Variants in GRIK3 observed in about 807,000 individuals in gnomAD.
GRIK3 encodes glutamate ionotropic receptor kainate type subunit 3.
GRIK3 carries 29 observed loss-of-function variants against 102.5 expected under a neutral mutation model. The ratio of observed to expected loss-of-function variants is 0.28; its 90% CI spans 0.21 to 0.39. The LOEUF (loss-of-function observed/expected upper bound fraction) is 0.39. Among genes scored for constraint, GRIK3 ranks in the 10% least tolerant of loss-of-function variants. The pLI, the probability that GRIK3 is intolerant of heterozygous loss-of-function variation, is 1.00. For synonymous variants in GRIK3, 511 were observed against 504.9 expected (o/e 1.01, Z -0.16); for missense variants, 908 against 1,252.4 (o/e 0.73, Z 4.15).
intron 1 of GRIK3, among the ~76,000 whole-genome samples, chr1:36,896,455 A>G (rs568855630): frequency 6.6e-5 from 10 of 152,292 alleles, no homozygotes; most frequent in Non-Finnish European, 1.2e-4. Flanking sequence ...AACTTGGATT[A>G]GTTGCATATG....
chr1:36,890,584 C>T (rs1010002147), intron 2 of GRIK3, among the ~76,000 whole-genome samples: 1 of 152,092 alleles, frequency 6.6e-6, no homozygotes, highest in African/African-American at 2.4e-5. Flanking sequence ...CCTGGTGGCT[C>T]AGTATGTGGA....
intron 7 of GRIK3, among the ~76,000 whole-genome samples, chr1:36,855,706 G>A (rs922014530): frequency 2.6e-5 from 4 of 152,244 alleles, no homozygotes; most frequent in Non-Finnish European, 5.9e-5. Context: ...TTTCTCCTTC[G>A]TGGCTTCCAT....
At chr1:36,956,624 C>T (rs987316798) in intron 1 of GRIK3, among the ~76,000 whole-genome samples, 25 of 151,976 alleles carry the variant, frequency 1.6e-4, no homozygotes, top group Admixed American at 1.5e-3. Context: ...CTGAGAGAGG[C>T]GGACCCTGAG....
chr1:37,022,727 G>A (rs1000919123), intron 1 of GRIK3, among the ~76,000 whole-genome samples: 1 of 152,202 alleles, frequency 6.6e-6, no homozygotes, highest in African/African-American at 2.4e-5. Flanking sequence ...GGGCAGTTAG[G>A]TGGACTTACA....
In GRIK3 at chr1:36,860,077, G is replaced by A. The variant is rs545287103; in HGVS notation, c.787-60C>T. On this transcript the variant is annotated intron_variant, in intron 5 of 15. Coordinates refer to ENST00000373091, the MANE Select transcript of GRIK3 (RefSeq NM_000831.4). Reference sequence around the variant, plus strand: ...GCTCACTGCTGAGAACTCCAGCCCCGCCTCCTACCCACTCCCTAATCAGGG... The same window carrying A: ...GCTCACTGCTGAGAACTCCAGCCCCACCTCCTACCCACTCCCTAATCAGGG... 8.7e-5 allele frequency: 117 copies of A among 1,349,096 alleles called. No homozygotes were observed. In the African/African-American group the frequency reaches 1.3e-3, roughly 15 times the overall value. The allele number at this position is 1,349,096 out of a possible 1,614,324, so 83.6% of individuals were successfully genotyped here. A position where few individuals can be genotyped will look rare whatever the true frequency, so the allele number is the denominator to read the frequency against.
chr1:37,011,806 C>T (rs950265904), intron 1 of GRIK3, among the ~76,000 whole-genome samples: 3 of 152,174 alleles, frequency 2.0e-5, no homozygotes, highest in Non-Finnish European at 2.9e-5. Flanking sequence ...CTAGCTCTTC[C>T]ATGCAGAGAC....
chr1:36,950,940 G>A (rs1320141326), intron 1 of GRIK3, among the ~76,000 whole-genome samples: 1 of 152,200 alleles, frequency 6.6e-6, no homozygotes, highest in Non-Finnish European at 1.5e-5. Context: ...TTTGGGGTGG[G>A]GCATGATGCA....
chr1:37,034,119 CGCCGAGCGT>C lies in GRIK3; in HGVS notation c.-20_-12del. On this transcript the variant is annotated 5_prime_UTR_variant, in exon 1 of 16. Coordinates refer to ENST00000373091, the MANE Select transcript of GRIK3 (RefSeq NM_000831.4). Reference sequence around the variant, plus strand: ...CCAGGGAGCGGTCATCGTTGGGCGCCGCCGAGCGTGCCCGGGGCGCGGCCGTGGCGGGCT... The same window carrying C: ...CCAGGGAGCGGTCATCGTTGGGCGCCGCCCGGGGCGCGGCCGTGGCGGGCT... 1 of 1,474,530 alleles carries C rather than the reference CGCCGAGCGT, an allele frequency of 6.8e-7. No individual in the cohort carries two copies. 91.3% of individuals were successfully genotyped at this position (1,474,530 alleles called of 1,614,324 possible). A position where few individuals can be genotyped will look rare whatever the true frequency, so the allele number is the denominator to read the frequency against.
chr1:37,014,933 G>GTCTCTCTCTCTCTCTCTC (rs56296966), intron 1 of GRIK3, among the ~76,000 whole-genome samples: 1 of 139,712 alleles, frequency 7.2e-6, no homozygotes. Flanking sequence ...CTCTGTTTTT[G>GTCTCTCTCTCTCTCTCTC]TCTCTCTCTC....
At chr1:36,948,817 G>T (rs985074768) in intron 1 of GRIK3, among the ~76,000 whole-genome samples, 1 of 152,092 alleles carries the variant, frequency 6.6e-6, no homozygotes. Context: ...CCCACTGCCC[G>T]CCAGGTGGAC....
chr1:37,003,418 C>T (rs1240754212), intron 1 of GRIK3, among the ~76,000 whole-genome samples: 1 of 150,462 alleles, frequency 6.6e-6, no homozygotes, highest in South Asian at 2.2e-4. Context: ...CAGGTCAATC[C>T]CATATTTCAG....
intron 1 of GRIK3, among the ~76,000 whole-genome samples, chr1:36,893,756 G>A (rs780949160): frequency 2.6e-5 from 4 of 152,140 alleles, no homozygotes; most frequent in Non-Finnish European, 4.4e-5. Flanking sequence ...ATCTAGGGAC[G>A]TTCAACCAGA....
chr1:36,855,263 C>T (rs1403928744), intron 7 of GRIK3, among the ~76,000 whole-genome samples: 6 of 152,162 alleles, frequency 3.9e-5, no homozygotes, highest in East Asian at 1.9e-4. Flanking sequence ...CTAACCACTC[C>T]GAGCCATGCT....
chr1:36,809,954 A>G (rs1017862567), intron 13 of GRIK3, among the ~76,000 whole-genome samples: 2 of 152,056 alleles, frequency 1.3e-5, no homozygotes, highest in African/African-American at 4.8e-5. Flanking sequence ...TACCTCCATC[A>G]CCTTCAGGTA....
chr1:37,002,670 C>CT (rs57712253), intron 1 of GRIK3, among the ~76,000 whole-genome samples: 4,730 of 135,196 alleles, frequency 0.035, 232 homozygotes, highest in African/African-American at 0.11. Context: ...TTCTTTCTTT[C>CT]TTTTTTTTTT....
chr1:36,912,430 C>T (rs983486182), intron 1 of GRIK3, among the ~76,000 whole-genome samples: 4 of 152,030 alleles, frequency 2.6e-5, no homozygotes, highest in Non-Finnish European at 5.9e-5. Flanking sequence ...AACCCCCCTC[C>T]TCCCCCCTCT....
intron 1 of GRIK3, among the ~76,000 whole-genome samples, chr1:36,894,270 C>A (rs2124276068): frequency 6.6e-6 from 1 of 152,310 alleles, no homozygotes; most frequent in African/African-American, 2.4e-5. Context: ...GTCTTTTCAT[C>A]TGGCTTTTTG....
In GRIK3 at chr1:36,827,877, G is replaced by A. The variant is rs577595316; in HGVS notation, c.1531-2051C>T. 5.9e-5 allele frequency among the ~76,000 whole-genome samples: 9 copies of A among 152,250 alleles called. No individual in the cohort carries two copies. The South Asian group carries it at 1.0e-3, about 18-fold the overall frequency. On this transcript the variant is annotated intron_variant, in intron 10 of 15. Coordinates refer to ENST00000373091, the MANE Select transcript of GRIK3 (RefSeq NM_000831.4). ...CCACACCCCATCACTGACACTTGGA[G>A]TCCAAGGATTTGATGACCTTCAGAA...
chr1:36,874,831 T>C (rs1640896068), intron 3 of GRIK3, among the ~76,000 whole-genome samples: 1 of 152,180 alleles, frequency 6.6e-6, no homozygotes, highest in Admixed American at 6.5e-5. Context: ...TAATGCATGG[T>C]GACCCACATT....
Sources: allele counts gnomAD v4.1 joint callset (sites outside exome capture counted in the v4.1 genomes callset), GRCh38; gene constraint gnomAD v4.1.1; transcripts MANE v1.5; gene names NCBI Gene and HGNC (gene_info 2026-07-23, HGNC 2026-07-21).